Variants in COQ4 observed in about 807,000 individuals in gnomAD.
The protein encoded by COQ4 is coenzyme Q4, also known as ubiquinone biosynthesis protein COQ4 homolog, mitochondrial.
Under a neutral mutation model 30.2 loss-of-function variants are expected in COQ4, and 36 were observed. The observed-to-expected ratio is 1.19, with a 90% CI of 0.91 to 1.57. The LOEUF (loss-of-function observed/expected upper bound fraction) is 1.57. Among genes scored for constraint, COQ4 ranks in the 40% most tolerant of loss-of-function variants. The pLI is 0.00. For missense variants in COQ4, 369 were observed against 371.9 expected (o/e 0.99, Z 0.07); for synonymous variants, 197 against 161.0 (o/e 1.22, Z -1.69).
chr9:128,325,159 A>G lies in COQ4; in HGVS notation c.219A>G (p.Leu73=), dbSNP rs1832295616. Residue 73 remains leucine, a synonymous_variant, in exon 3 of 7, where the codon CTA becomes CTG. Coordinates refer to ENST00000300452, the MANE Select transcript of COQ4 (RefSeq NM_016035.5). ...TCCTTTCAGACATGGTCGCAGTTCT[A>G]GGGGAGACCACAGGACACCGCACCC... The part of the protein sequence containing the change: ...NPYRHDMVAV[L]GETTGHRTLK... 2 of 1,613,966 alleles carry G rather than the reference A, an allele frequency of 1.2e-6. No homozygotes were observed. The highest frequency in any genetic ancestry group is 2.2e-5 in the East Asian group (1 of 44,888).
intron 4 of COQ4, among the ~76,000 whole-genome samples, chr9:128,328,867 A>G (rs900467687): frequency 6.6e-6 from 1 of 152,156 alleles, no homozygotes; most frequent in Admixed American, 6.6e-5. Flanking sequence ...GGGAGGGGGT[A>G]GCAGGGACAG....
intron 6 of COQ4, 123 bp from the exon 7 acceptor site, chr9:128,333,351 G>A: frequency 1.2e-6 from 1 of 834,412 alleles, no homozygotes; most frequent in Non-Finnish European, 1.8e-6. Flanking sequence ...TAAAAAGCAG[G>A]GATAATAACT....
intron 3 of COQ4, 150 bp from the exon 4 acceptor site, chr9:128,325,629 A>G: frequency 1.6e-6 from 1 of 641,446 alleles, no homozygotes; most frequent in Non-Finnish European, 2.8e-6. Context: ...TAAGTCCCTG[A>G]CACTAGCCTG....
At chr9:128,323,531 G>T in intron 2 of COQ4, 2 of 427,574 alleles carry the variant, frequency 4.7e-6, no homozygotes, top group Non-Finnish European at 8.2e-6. Flanking sequence ...CTTCTGGATA[G>T]TGCCTGGCAC....
intron 4 of COQ4, 44 bp downstream of exon 4, chr9:128,325,925 CAG>C (rs1832312711): frequency 3.3e-6 from 5 of 1,518,400 alleles, no homozygotes; most frequent in Non-Finnish European, 4.6e-6. Flanking sequence ...CCAGACAGGA[CAG>C]AGGAATAGCA....
At chr9:128,324,838 A>G (rs1192269165) in intron 2 of COQ4, among the ~76,000 whole-genome samples, 1 of 152,242 alleles carries the variant, frequency 6.6e-6, no homozygotes, top group African/African-American at 2.4e-5. Flanking sequence ...AGCATCTCTG[A>G]TGCCTAAGCC....
rs1308093660 is a variant in COQ4, at chr9:128,323,052, C to T, written c.107C>T (p.Pro36Leu). 4.3e-6 allele frequency: 7 copies of T among 1,612,194 alleles called. No homozygotes were observed. The highest frequency in any genetic ancestry group is 5.9e-6 in the Non-Finnish European group (7 of 1,179,822). ...PLRARSDGAG[P>L]LYSHHLPTSP... The stretch of plus-strand genomic sequence containing the variant: ...CGGGCTAGGAGCGACGGCGCCGGCC[C>T]GCTATACTCGCACCACCTCCCCACC... The change falls in exon 2 of 7, where the codon CCG becomes CTG. Residue 36 changes from proline to leucine, a missense_variant. Coordinates refer to ENST00000300452, the MANE Select transcript of COQ4 (RefSeq NM_016035.5).
chr9:128,333,593 G>T lies in COQ4; in HGVS notation c.746G>T (p.Arg249Leu). The change falls in exon 7 of 7, where the codon CGG (arginine) becomes CTG (leucine). Residue 249 changes from arginine to leucine, a missense_variant. Coordinates refer to ENST00000300452, the MANE Select transcript of COQ4 (RefSeq NM_016035.5). ...TGGGAGCAGTCCCTGAGGGCTCTGC[G>T]GGAGGAGCTGGGCATTACAGCACCA... ...RRWEQSLRAL[R>L]EELGITAPPM... The T allele has an allele frequency of 6.2e-7, 1 of 1,605,800 alleles. No homozygotes were observed. Among genetic ancestry groups the T allele is most frequent in the East Asian group, 2.3e-5 (1 of 44,138 alleles).
chr9:128,329,241 T>A (rs921937678), intron 4 of COQ4, among the ~76,000 whole-genome samples: 1 of 152,180 alleles, frequency 6.6e-6, no homozygotes, highest in Non-Finnish European at 1.5e-5. Context: ...AGGGCACTTA[T>A]CGGCCTTGGT....
intron 4 of COQ4, among the ~76,000 whole-genome samples, chr9:128,327,224 C>T (rs1002640835): frequency 1.3e-5 from 2 of 151,930 alleles, no homozygotes; most frequent in Non-Finnish European, 1.5e-5. Context: ...GGGAGGACCA[C>T]CTAAGGTCAG....
intron 4 of COQ4, chr9:128,330,403 A>C (rs944893640): frequency 1.3e-5 from 2 of 151,950 alleles, no homozygotes; most frequent in African/African-American, 4.8e-5. Flanking sequence ...AATAAATAAA[A>C]TGTGAGCACG....
At chr9:128,324,198 C>G (rs932392104) in intron 2 of COQ4, among the ~76,000 whole-genome samples, 1 of 151,926 alleles carries the variant, frequency 6.6e-6, no homozygotes, top group African/African-American at 2.4e-5. Flanking sequence ...AGGCTGGTCT[C>G]AAACTCCTGA....
Position 128,325,836 on chromosome 9 carries a change from G to A in COQ4, c.357G>A (p.Pro119=), listed in dbSNP as rs138917651. Residue 119 remains proline (P), a synonymous_variant, in exon 4 of 7, where the codon CCG becomes CCA. Coordinates refer to ENST00000300452, the MANE Select transcript of COQ4 (RefSeq NM_016035.5). ...ACCTGGGCAAGCTCCAGAGCCTGCC[G>A]GAAGGCTCCCTCGGTCGCGAGTATC... ...TLDLGKLQSL[P]EGSLGREYLR... The A allele has an allele frequency of 1.8e-4, 295 of 1,614,082 alleles. No homozygotes were observed. Among genetic ancestry groups the A allele is most frequent in the Middle Eastern group, 3.3e-4 (2 of 6,084 alleles).
rs755325123 is a variant in COQ4, at chr9:128,333,633, G to A, written c.786G>A (p.Gln262=). ...TTACAGCACCACCCATGCACGTCCAGGGCTTGGCCTGAGCTCCTGAGCCAG... is the reference window on the plus strand; with the variant it reads ...TTACAGCACCACCCATGCACGTCCAAGGCTTGGCCTGAGCTCCTGAGCCAG... ...LGITAPPMHV[Q]GLA The change falls in exon 7 of 7, where the codon CAG becomes CAA. Residue 262 remains glutamine (Q), a synonymous_variant. Transcript: ENST00000300452. The A allele has an allele frequency of 4.5e-6, 7 of 1,562,218 alleles. No individual in the cohort carries two copies. The South Asian group carries it at 8.5e-5, about 19-fold the overall frequency.
In COQ4 at chr9:128,333,978, TCA is replaced by T. The variant is rs2131237598; in HGVS notation, c.*336_*337del. 1.0e-5 allele frequency: 2 copies of T among 196,552 alleles called. No homozygotes were observed. The highest frequency in any genetic ancestry group is 3.2e-4 in the South Asian group (2 of 6,346). The allele number at this position is 196,552 out of a possible 1,614,324, so 12.2% of individuals were successfully genotyped here. A position where few individuals can be genotyped will look rare whatever the true frequency, so the allele number is the denominator to read the frequency against. Reference sequence around the variant, plus strand: ...TTGCTGGGGGCCAGGCTGGGTGTCCTCACAGGAGTGAGGGCTACACCCAATTC... The same window carrying T: ...TTGCTGGGGGCCAGGCTGGGTGTCCTCAGGAGTGAGGGCTACACCCAATTC... On this transcript the variant is annotated 3_prime_UTR_variant, in exon 7 of 7. Coordinates refer to ENST00000300452, the MANE Select transcript of COQ4 (RefSeq NM_016035.5).
At position 128,332,240 on chromosome 9, in the gene COQ4, G is replaced by A. The variant is rs200009624; in HGVS notation, c.490G>A (p.Asp164Asn). ...YVIQRYREVH[D>N]MLHTLLGMPT... ...GATTCAGCGGTACCGGGAGGTGCAC[G>A]ACATGCTTCACACCCTGCTGGGGAT... Residue 164 changes from aspartate to asparagine, a missense_variant, in exon 5 of 7, where the codon GAC becomes AAC. Asp to Asn is a conservative substitution (Grantham distance 23, BLOSUM62 1). Coordinates refer to ENST00000300452, the MANE Select transcript of COQ4 (RefSeq NM_016035.5). The A allele has an allele frequency of 1.4e-5, 22 of 1,613,262 alleles. No homozygotes were observed. In the East Asian group the frequency reaches 2.2e-4, roughly 16 times the overall value.
rs1283614200 is a variant in COQ4, at chr9:128,322,932, A to C, written c.70+4A>C. The C allele has an allele frequency of 4.4e-6, 7 of 1,601,854 alleles. No individual in the cohort carries two copies. The highest frequency in any genetic ancestry group is 4.0e-5 in the African/African-American group (3 of 74,650). Reference sequence around the variant, plus strand: ...GGCCTACAGCGGCCTGCGGCAGGCAAGTGGCGCCGGGTTCTGGGCGCAGGC... The same window carrying C: ...GGCCTACAGCGGCCTGCGGCAGGCACGTGGCGCCGGGTTCTGGGCGCAGGC... On this transcript the variant is annotated splice_donor_region_variant and intron_variant, in intron 1 of 6. Transcript: ENST00000300452.
rs1832456114 is a variant in COQ4, at chr9:128,333,820, C to A, written c.*175C>A. On this transcript the variant is annotated 3_prime_UTR_variant, in exon 7 of 7. Coordinates refer to ENST00000300452, the MANE Select transcript of COQ4 (RefSeq NM_016035.5). ...CCTTGAGGACGAACCCCGCAGGGAG[C>A]AAGCAGTACAGTGGCATTCCCAGGG... The A allele has an allele frequency of 5.8e-6, 3 of 518,378 alleles. No homozygotes were observed. The East Asian group carries it at 1.1e-4, about 18-fold the overall frequency. The allele number at this position is 518,378 out of a possible 1,614,324, so 32.1% of individuals were successfully genotyped here.
chr9:128,333,728 T>C lies in COQ4; in HGVS notation c.*83T>C. ...AGAGGGCTCCCTTGACTACCTTTGTTCCTCTTCTTTGAACACTGACCCTTG... is the reference window on the plus strand; with the variant it reads ...AGAGGGCTCCCTTGACTACCTTTGTCCCTCTTCTTTGAACACTGACCCTTG... On this transcript the variant is annotated 3_prime_UTR_variant, in exon 7 of 7. Coordinates refer to ENST00000300452, the MANE Select transcript of COQ4 (RefSeq NM_016035.5). 8.2e-7 allele frequency: 1 copy of C among 1,222,358 alleles called. No homozygotes were observed. The highest frequency in any genetic ancestry group is 1.1e-6 in the Non-Finnish European group (1 of 910,766). 75.7% of individuals were successfully genotyped at this position (1,222,358 alleles called of 1,614,324 possible).
Sources: allele counts gnomAD v4.1 joint callset (sites outside exome capture counted in the v4.1 genomes callset), GRCh38; gene constraint gnomAD v4.1.1; transcripts MANE v1.5; gene names NCBI Gene and HGNC (gene_info 2026-07-23, HGNC 2026-07-21).